PTPRT: variants seen among roughly 807,000 people sequenced by gnomAD.
PTPRT encodes receptor-type tyrosine-protein phosphatase T.
A neutral mutation model predicts 176.8 loss-of-function variants in PTPRT; 56 were observed. That is an observed-to-expected ratio of 0.32 (90% CI 0.26 to 0.40). The LOEUF is 0.40. PTPRT is among the 10% of genes least tolerant of loss of function. The probability of loss-of-function intolerance (pLI) is 1.00; values close to 1 mark genes in which losing one functional copy is unlikely to be tolerated. For missense variants in PTPRT, 1,540 were observed against 1,908.2 expected, an observed-to-expected ratio of 0.81 and a Z score of 3.60; for synonymous variants, 783 against 739.0, an observed-to-expected ratio of 1.06 and a Z score of -0.96.
At chr20:43,030,587 G>A (rs1468922850) in intron 1 of PTPRT, among the ~76,000 whole-genome samples, 1 of 152,130 alleles carries the variant, frequency 6.6e-6, no homozygotes, top group Non-Finnish European at 1.5e-5. Context: ...ATGGACAGAT[G>A]AAGAGTTAGA....
chr20:42,247,569 C>T (rs2056474867), intron 14 of PTPRT, among the ~76,000 whole-genome samples: 1 of 152,144 alleles, frequency 6.6e-6, no homozygotes, highest in South Asian at 2.1e-4. Context: ...CTTGGGGTTG[C>T]CCTGAACTCT....
chr20:43,008,517 C>A (rs976080498), intron 1 of PTPRT, among the ~76,000 whole-genome samples: 1 of 151,966 alleles, frequency 6.6e-6, no homozygotes. Context: ...ATGGTAAAAC[C>A]CCATCTCTAC....
At chr20:43,130,037 C>A (rs879861545) in intron 1 of PTPRT, among the ~76,000 whole-genome samples, 1 of 151,916 alleles carries the variant, frequency 6.6e-6, no homozygotes, top group Non-Finnish European at 1.5e-5. Context: ...AGTTGATCTA[C>A]GTAACAAAAA....
intron 1 of PTPRT, among the ~76,000 whole-genome samples, chr20:43,016,513 A>C (rs1985378058): frequency 5.1e-5 from 6 of 117,210 alleles, no homozygotes; most frequent in Admixed American, 1.0e-4. Context: ...GCTGTCTCTG[A>C]CTCTCTGTCT....
At chr20:43,059,751 G>A (rs555562216) in intron 1 of PTPRT, among the ~76,000 whole-genome samples, 3 of 152,256 alleles carry the variant, frequency 2.0e-5, no homozygotes, top group Middle Eastern at 3.4e-3. Context: ...GACTGAGGTG[G>A]GCAGATCAAC....
At chr20:43,076,813 T>C (rs1022866674) in intron 1 of PTPRT, among the ~76,000 whole-genome samples, 2 of 152,176 alleles carry the variant, frequency 1.3e-5, no homozygotes, top group African/African-American at 4.8e-5. Flanking sequence ...TGGGTCTCTA[T>C]TAAAGCATTT....
At chr20:42,342,878 C>T (rs2058132676) in intron 11 of PTPRT, among the ~76,000 whole-genome samples, 1 of 152,216 alleles carries the variant, frequency 6.6e-6, no homozygotes. Context: ...CCAATTGGTA[C>T]TGTAGCTAAT....
chr20:42,648,207 A>T (rs1244653672), intron 7 of PTPRT, among the ~76,000 whole-genome samples: 1 of 152,128 alleles, frequency 6.6e-6, no homozygotes, highest in Admixed American at 6.5e-5. Flanking sequence ...CCAAGGAAAA[A>T]ATGGCTCAAG....
At chr20:42,154,262 A>G (rs1215208822) in intron 17 of PTPRT, among the ~76,000 whole-genome samples, 1 of 152,112 alleles carries the variant, frequency 6.6e-6, no homozygotes, top group African/African-American at 2.4e-5. Context: ...AACTGAGGAG[A>G]ACAAACCTTG....
intron 6 of PTPRT, among the ~76,000 whole-genome samples, chr20:42,692,883 T>C (rs1450187990): frequency 6.6e-6 from 1 of 152,162 alleles, no homozygotes; most frequent in Non-Finnish European, 1.5e-5. Flanking sequence ...GACATCATAA[T>C]AATGGTGACC....
intron 13 of PTPRT, among the ~76,000 whole-genome samples, chr20:42,267,428 T>A (rs2056857672): frequency 6.6e-6 from 1 of 152,224 alleles, no homozygotes; most frequent in African/African-American, 2.4e-5. Context: ...GTTAGATACA[T>A]TATATTATTA....
intron 7 of PTPRT, among the ~76,000 whole-genome samples, chr20:42,626,723 T>C (rs2074297199): frequency 6.6e-6 from 1 of 152,112 alleles, no homozygotes. Context: ...TCAGGTGGAA[T>C]CCATCATGGT....
chr20:42,431,977 C>T (rs117385704), intron 9 of PTPRT, among the ~76,000 whole-genome samples: 11 of 152,298 alleles, frequency 7.2e-5, no homozygotes, highest in Non-Finnish European at 1.2e-4. Context: ...TAGGTGGGAA[C>T]GGACACACAG....
chr20:42,942,943 T>C (rs1980660266), intron 1 of PTPRT, among the ~76,000 whole-genome samples: 1 of 152,240 alleles, frequency 6.6e-6, no homozygotes, highest in South Asian at 2.1e-4. Context: ...CTTACACTAA[T>C]TGCATATTAA....
intron 7 of PTPRT, among the ~76,000 whole-genome samples, chr20:42,634,404 G>A (rs1402017653): frequency 6.6e-6 from 1 of 151,172 alleles, no homozygotes; most frequent in Non-Finnish European, 1.5e-5. Context: ...TAAGATGAAA[G>A]CAGCCCAAAT....
intron 7 of PTPRT, among the ~76,000 whole-genome samples, chr20:42,628,795 T>C (rs1190603311): frequency 6.6e-6 from 1 of 152,192 alleles, no homozygotes; most frequent in East Asian, 1.9e-4. Flanking sequence ...AGTTGGAACA[T>C]ATCCATGCCC....
chr20:42,948,821 A>G (rs1488720101), intron 1 of PTPRT, among the ~76,000 whole-genome samples: 2 of 152,222 alleles, frequency 1.3e-5, no homozygotes, highest in Non-Finnish European at 2.9e-5. Context: ...AGCTAGAGCG[A>G]TGACTGCCAC....
rs889606707 is a variant in PTPRT, at chr20:42,660,921, G to A, written c.1153+16945C>T. On this transcript the variant is annotated intron_variant, in intron 7 of 30. Transcript: ENST00000373187. ...GGCTGGAGGGCAGTGGCATGATGTCGGCTCACTGCAACCTCTGCCTCCTGG... is the reference window on the plus strand; with the variant it reads ...GGCTGGAGGGCAGTGGCATGATGTCAGCTCACTGCAACCTCTGCCTCCTGG... Among the ~76,000 whole-genome samples, 7 of 152,006 alleles carry A rather than the reference G, an allele frequency of 4.6e-5. No individual in the cohort carries two copies. The East Asian group carries it at 7.7e-4, about 17-fold the overall frequency.
At chr20:42,645,962 A>C (rs964041041) in intron 7 of PTPRT, among the ~76,000 whole-genome samples, 2 of 152,138 alleles carry the variant, frequency 1.3e-5, no homozygotes, top group African/African-American at 4.8e-5. Flanking sequence ...CTGAATGAAA[A>C]GAATCCATGT....
Sources: allele counts gnomAD v4.1 joint callset (sites outside exome capture counted in the v4.1 genomes callset), GRCh38; gene constraint gnomAD v4.1.1; transcripts MANE v1.5; gene names NCBI Gene and HGNC (gene_info 2026-07-23, HGNC 2026-07-21).